USH2A: variants seen among roughly 807,000 people sequenced by gnomAD.
USH2A encodes usherin.
USH2A carries 443 observed loss-of-function variants against 538.9 expected under a neutral mutation model. That is an observed-to-expected ratio of 0.82 (90% CI 0.76 to 0.89). USH2A has a LOEUF of 0.89. Ranked by LOEUF, USH2A falls within the 40% of genes least tolerant of loss-of-function variation. The probability of loss-of-function intolerance (pLI) is 0.00; values close to 1 mark genes in which losing one functional copy is unlikely to be tolerated. For synonymous variants in USH2A, 2,413 were observed against 2,273.5 expected, an observed-to-expected ratio of 1.06 and a Z score of -1.75; for missense variants, 6,633 against 6,324.8, an observed-to-expected ratio of 1.05 and a Z score of -1.65.
intron 32 of USH2A, among the ~76,000 whole-genome samples, chr1:216,042,709 GA>G (rs1317266004): frequency 2.0e-5 from 3 of 152,060 alleles, no homozygotes; most frequent in African/African-American, 7.2e-5. Context: ...CAGACAGACA[GA>G]GTCCCTTTCC....
intron 32 of USH2A, among the ~76,000 whole-genome samples, chr1:216,018,308 G>T (rs965704768): frequency 6.6e-6 from 1 of 152,196 alleles, no homozygotes; most frequent in Non-Finnish European, 1.5e-5. Context: ...GCACATTCAA[G>T]AATAAGAACG....
intron 71 of USH2A, among the ~76,000 whole-genome samples, chr1:215,626,489 C>T (rs1469155569): frequency 1.3e-5 from 2 of 151,860 alleles, no homozygotes; most frequent in African/African-American, 4.8e-5. Context: ...GCTATTTGTG[C>T]TCCATTTCTT....
intron 64 of USH2A, among the ~76,000 whole-genome samples, chr1:215,653,240 A>AT (rs966931357): frequency 9.9e-5 from 15 of 152,226 alleles, no homozygotes; most frequent in Admixed American, 3.9e-4. Context: ...TAATCCCTGG[A>AT]TTTTAAAAAC....
rs141549439 is a variant in USH2A at position 215,732,544 on chromosome 1, C to CTT, written c.11712-4162_11712-4161dup. On this transcript the variant is annotated intron_variant, in intron 60 of 71. Coordinates refer to ENST00000307340, the MANE Select transcript of USH2A (RefSeq NM_206933.4). ...TCTTTCTTATTCTCCTTTTTTCTTT[C>CTT]TTTTTTTTTTTTTTTTTTTTTTTTT... Among the ~76,000 whole-genome samples, 31 of 73,560 alleles carry CTT rather than the reference C, an allele frequency of 4.2e-4. 1 individual carries two copies. Among genetic ancestry groups the CTT allele is most frequent in the African/African-American group, 1.9e-3 (31 of 16,308 alleles). 48.3% of individuals were successfully genotyped at this position (73,560 alleles called of 152,430 possible). A position where few individuals can be genotyped will look rare whatever the true frequency, so the allele number is the denominator to read the frequency against.
rs1219446172 is a variant in USH2A at position 216,174,703 on chromosome 1, C to T, written c.4627+549G>A. 1.0e-5 allele frequency: 10 copies of T among 986,970 alleles called. No homozygotes were observed. In the East Asian group the frequency reaches 6.8e-4, roughly 67 times the overall value. 61.1% of individuals were successfully genotyped at this position (986,970 alleles called of 1,614,324 possible). ...TCTTTTCCCTGGGATTAGTTTTCCC[C>T]ACAATGTTCTTCATAGAACATGAGA... On this transcript the variant is annotated intron_variant, in intron 21 of 71. Transcript: ENST00000307340.
At chr1:215,945,406 C>CT (rs1666733492) in intron 37 of USH2A, among the ~76,000 whole-genome samples, 1 of 152,036 alleles carries the variant, frequency 6.6e-6, no homozygotes, top group South Asian at 2.1e-4. Context: ...TGGTTCAGCT[C>CT]TGAAACAAGC....
intron 13 of USH2A, among the ~76,000 whole-genome samples, chr1:216,240,013 CAAAAAAAA>C (rs55691066): frequency 8.9e-6 from 1 of 112,282 alleles, no homozygotes; most frequent in Non-Finnish European, 1.8e-5. Context: ...ATGAAATAAA[CAAAAAAAA>C]AAAAAAAAAA....
In USH2A at chr1:215,858,242, G is replaced by C. The variant is rs574167741; in HGVS notation, c.8845+8765C>G. 3.3e-5 allele frequency among the ~76,000 whole-genome samples: 5 copies of C among 152,098 alleles called. No individual in the cohort carries two copies. The South Asian group carries it at 1.0e-3, about 32-fold the overall frequency. ...TTTTGTGGACCACATAAATTTATCT[G>C]AGCAGGTATTGCCCTACTTGTGGGA... On this transcript the variant is annotated intron_variant, in intron 44 of 71. Transcript: ENST00000307340.
chr1:216,231,256 TA>T, intron 14 of USH2A, among the ~76,000 whole-genome samples: 1 of 101,128 alleles, frequency 9.9e-6, no homozygotes, highest in African/African-American at 3.2e-5. Context: ...ATATTATATA[TA>T]TAATATATAT....
chr1:215,865,139 C>T (rs1664435574), intron 44 of USH2A, among the ~76,000 whole-genome samples: 1 of 152,136 alleles, frequency 6.6e-6, no homozygotes. Context: ...CCACCTTTCA[C>T]AGAGGATCGA....
rs1661357296 is a variant in USH2A, at chr1:215,773,500, C to CTG, written c.10939+6342_10939+6343insCA. Among the ~76,000 whole-genome samples the CTG allele has an allele frequency of 7.5e-5, 11 of 146,260 alleles. No individual in the cohort carries two copies. The South Asian group carries it at 2.3e-3, about 31-fold the overall frequency. On this transcript the variant is annotated intron_variant, in intron 55 of 71. Coordinates refer to ENST00000307340, the MANE Select transcript of USH2A (RefSeq NM_206933.4). The stretch of plus-strand genomic sequence containing the variant: ...TGTCTCTCTGTCTCTCTGTCTCTCT[C>CTG]TCTCTCTCTCTGTCTCTCTCTCTCT...
At chr1:216,192,041 T>G (rs1330459646) in intron 19 of USH2A, among the ~76,000 whole-genome samples, 1 of 151,962 alleles carries the variant, frequency 6.6e-6, no homozygotes, top group Non-Finnish European at 1.5e-5. Context: ...GTACATAGAG[T>G]CAATTTATAA....
At chr1:216,404,338 A>G (rs1359318028) in intron 3 of USH2A, among the ~76,000 whole-genome samples, 2 of 152,158 alleles carry the variant, frequency 1.3e-5, no homozygotes, top group Non-Finnish European at 2.9e-5. Context: ...TAAAAGGTTT[A>G]TTATTTTTTG....
At chr1:215,680,079 TG>T in intron 62 of USH2A, 69 bp downstream of exon 62, 2 of 1,489,522 alleles carry the variant, frequency 1.3e-6, no homozygotes, top group South Asian at 2.3e-5. Context: ...AGTGACCTGA[TG>T]GCATGTCAGG....
chr1:216,410,128 C>G (rs1571792264), intron 3 of USH2A, among the ~76,000 whole-genome samples: 1 of 150,008 alleles, frequency 6.7e-6, no homozygotes, highest in South Asian at 2.1e-4. Context: ...AGAGCAATGT[C>G]AATCAAAACC....
rs2089947 is a variant in USH2A at position 216,322,058 on chromosome 1, A to G, written c.1551-82T>C. ...TTAAGGTCCTAGGACTATATGCATTATGTGAATTTAACAGGGAAGATTTTT... is the reference window on the plus strand; with the variant it reads ...TTAAGGTCCTAGGACTATATGCATTGTGTGAATTTAACAGGGAAGATTTTT... On this transcript the variant is annotated intron_variant, in intron 8 of 71. Coordinates refer to ENST00000307340, the MANE Select transcript of USH2A (RefSeq NM_206933.4). 327,833 of 1,314,416 alleles carry G rather than the reference A, an allele frequency of 0.25. 42,625 individuals carry two copies. The highest frequency in any genetic ancestry group is 0.36 in the African/African-American group (25,027 of 68,938). 81.4% of individuals were successfully genotyped at this position (1,314,416 alleles called of 1,614,324 possible).
intron 3 of USH2A, among the ~76,000 whole-genome samples, chr1:216,383,388 T>C (rs891888510): frequency 1.3e-5 from 2 of 152,226 alleles, no homozygotes; most frequent in Admixed American, 6.5e-5. Flanking sequence ...ATGTATGTTA[T>C]GAAAGGATAC....
At chr1:216,358,061 G>A (rs1389971711) in intron 4 of USH2A, among the ~76,000 whole-genome samples, 1 of 152,156 alleles carries the variant, frequency 6.6e-6, no homozygotes. Flanking sequence ...TAAAAAGCAT[G>A]CATTTGGTCC....
chr1:216,188,057 G>A (rs745859649), intron 20 of USH2A, among the ~76,000 whole-genome samples: 2 of 151,922 alleles, frequency 1.3e-5, no homozygotes, highest in Non-Finnish European at 2.9e-5. Context: ...AAAAAAAATA[G>A]AGAGAGGATT....
Sources: gnomAD v4.1 joint callset for allele counts (sites outside exome capture counted in the v4.1 genomes callset) on GRCh38, gnomAD v4.1.1 for gene constraint, MANE v1.5 for transcripts, NCBI Gene and HGNC (gene_info 2026-07-23, HGNC 2026-07-21) for gene names.